LRP1B: variants seen among roughly 807,000 people sequenced by gnomAD.
LRP1B encodes LDL receptor related protein 1B.
Under a neutral mutation model 556.6 loss-of-function variants are expected in LRP1B, and 217 were observed. The observed-to-expected ratio is 0.39, with a 90% CI of 0.35 to 0.44. The LOEUF (loss-of-function observed/expected upper bound fraction) is 0.44, where lower values mean the gene tolerates loss of function less well. Ranked by LOEUF, LRP1B falls within the 20% of genes least tolerant of loss-of-function variation. The pLI, the probability that LRP1B is intolerant of heterozygous loss-of-function variation, is 1.00. For missense variants in LRP1B, 5,053 were observed against 5,620.8 expected, an observed-to-expected ratio of 0.90 and a Z score of 3.23; for synonymous variants, 2,047 against 1,865.8, an observed-to-expected ratio of 1.10 and a Z score of -2.50.
chr2:140,564,181 T>A (rs1681042232), intron 43 of LRP1B, among the ~76,000 whole-genome samples: 1 of 152,198 alleles, frequency 6.6e-6, no homozygotes, highest in African/African-American at 2.4e-5. Context: ...CATTACAATA[T>A]AAACTCTCCT....
At chr2:141,143,834 TC>T (rs911638922) in intron 7 of LRP1B, among the ~76,000 whole-genome samples, 1 of 27,292 alleles carries the variant, frequency 3.7e-5, no homozygotes, top group African/African-American at 5.1e-5. Context: ...GCTTTCCTAA[TC>T]TTTTTTTTTT....
chr2:140,764,691 T>C (rs1689041197), intron 35 of LRP1B, among the ~76,000 whole-genome samples: 1 of 152,170 alleles, frequency 6.6e-6, no homozygotes, highest in African/African-American at 2.4e-5. Context: ...AGTTCCCATA[T>C]ATTCCTTCCG....
chr2:140,802,805 T>C (rs2105011878), intron 32 of LRP1B, among the ~76,000 whole-genome samples: 1 of 152,348 alleles, frequency 6.6e-6, no homozygotes, highest in Non-Finnish European at 1.5e-5. Context: ...GAGCCAATCC[T>C]ATAAATTCAA....
intron 2 of LRP1B, among the ~76,000 whole-genome samples, chr2:141,520,254 A>G (rs1684482345): frequency 6.6e-6 from 1 of 152,206 alleles, no homozygotes; most frequent in African/African-American, 2.4e-5. Flanking sequence ...TCAAAGAAAG[A>G]GAAATACTGC....
At chr2:140,636,291 A>G (rs1684068869) in intron 41 of LRP1B, among the ~76,000 whole-genome samples, 1 of 152,188 alleles carries the variant, frequency 6.6e-6, no homozygotes, top group Non-Finnish European at 1.5e-5. Flanking sequence ...TATGTATAGT[A>G]GCATGGCATG....
At chr2:141,577,117 T>C (rs72855415) in intron 2 of LRP1B, among the ~76,000 whole-genome samples, 12,061 of 152,272 alleles carry the variant, frequency 0.079, 566 homozygotes, top group South Asian at 0.13. Flanking sequence ...TTGGTGACTA[T>C]TGAAAGTTCA....
intron 3 of LRP1B, among the ~76,000 whole-genome samples, chr2:141,427,369 C>G (rs1291723889): frequency 6.6e-6 from 1 of 151,978 alleles, no homozygotes; most frequent in Non-Finnish European, 1.5e-5. Context: ...AAAGTTCAGA[C>G]TAGAAAAACA....
chr2:141,837,561 A>T (rs2105755028), intron 1 of LRP1B, among the ~76,000 whole-genome samples: 1 of 152,134 alleles, frequency 6.6e-6, no homozygotes, highest in South Asian at 2.1e-4. Context: ...TTTACATTTC[A>T]CCCATATATT....
At chr2:141,577,167 A>G (rs1235232510) in intron 2 of LRP1B, among the ~76,000 whole-genome samples, 1 of 152,238 alleles carries the variant, frequency 6.6e-6, no homozygotes, top group Non-Finnish European at 1.5e-5. Flanking sequence ...AAGTAGTAGC[A>G]TAGCCCAGAT....
intron 7 of LRP1B, among the ~76,000 whole-genome samples, chr2:141,080,380 T>C (rs1394182787): frequency 6.6e-6 from 1 of 152,200 alleles, no homozygotes; most frequent in East Asian, 1.9e-4. Context: ...TTTTTCTGCA[T>C]CCTCATAGTT....
rs1333410760 is a variant in LRP1B, at chr2:141,032,822, C to CATATATATATATATATATATATATATAT, written c.1790-12721_1790-12720insATATATATATATATATATATATATATAT. Reference sequence around the variant, plus strand: ...GTATATGTGTGTGTGTATATATATACATACATATATATATATATGCAGGCA... The same window carrying CATATATATATATATATATATATATATAT: ...GTATATGTGTGTGTGTATATATATACATATATATATATATATATATATATATATATACATATATATATATATGCAGGCA... On this transcript the variant is annotated intron_variant, in intron 11 of 90. Coordinates refer to ENST00000389484, the MANE Select transcript of LRP1B (RefSeq NM_018557.3). 1.1e-3 allele frequency among the ~76,000 whole-genome samples: 84 copies of CATATATATATATATATATATATATATAT among 75,580 alleles called. 1 individual carries two copies. Among genetic ancestry groups the CATATATATATATATATATATATATATAT allele is most frequent in the South Asian group, 3.2e-3 (6 of 1,886 alleles). The allele number at this position is 75,580 out of a possible 152,430, so 49.6% of individuals were successfully genotyped here.
chr2:140,822,903 A>G (rs1371697360), intron 31 of LRP1B, among the ~76,000 whole-genome samples: 3 of 152,216 alleles, frequency 2.0e-5, no homozygotes. Flanking sequence ...CAGTTTCTGA[A>G]TCTATAAAGG....
chr2:141,890,373 A>ATACATATATATGTATT (rs777143469), intron 1 of LRP1B, among the ~76,000 whole-genome samples: 1 of 59,222 alleles, frequency 1.7e-5, no homozygotes, highest in African/African-American at 3.9e-5. Flanking sequence ...ATATATATAT[A>ATACATATATATGTATT]GTGTGTATAC....
chr2:141,151,517 T>A (rs1701924570), intron 7 of LRP1B, among the ~76,000 whole-genome samples: 1 of 152,308 alleles, frequency 6.6e-6, no homozygotes, highest in African/African-American at 2.4e-5. Context: ...AAATGTCTTG[T>A]TCATAGATTA....
chr2:141,886,835 A>G (rs1699129592), intron 1 of LRP1B, among the ~76,000 whole-genome samples: 1 of 152,076 alleles, frequency 6.6e-6, no homozygotes, highest in Non-Finnish European at 1.5e-5. Flanking sequence ...GATAGTGCTA[A>G]TATTGGTAGA....
At chr2:142,044,164 T>A (rs1449197099) in intron 1 of LRP1B, among the ~76,000 whole-genome samples, 1 of 151,738 alleles carries the variant, frequency 6.6e-6, no homozygotes, top group East Asian at 1.9e-4. Flanking sequence ...GACAAATGAG[T>A]AATCCTTTTT....
At position 141,309,837 on chromosome 2, in the gene LRP1B, CT is replaced by C. The variant is rs531238859; in HGVS notation, c.344-55197del. On this transcript the variant is annotated intron_variant, in intron 3 of 90. Transcript: ENST00000389484. ...TGCACATGGATCCCACCCCACCCCA[CT>C]TTTTTTTATAAGAAATTCAAAAAAG... Among the ~76,000 whole-genome samples, 21 of 151,774 alleles carry C rather than the reference CT, an allele frequency of 1.4e-4. 1 individual carries two copies. The South Asian group carries it at 3.8e-3, about 27-fold the overall frequency.
At chr2:140,748,150 G>A (rs1688390374) in intron 35 of LRP1B, among the ~76,000 whole-genome samples, 6 of 126,432 alleles carry the variant, frequency 4.7e-5, no homozygotes, top group South Asian at 4.8e-4. Flanking sequence ...TCATATATAT[G>A]TGTGTATATA....
intron 66 of LRP1B, among the ~76,000 whole-genome samples, chr2:140,438,055 G>A (rs891966894): frequency 6.6e-6 from 1 of 152,130 alleles, no homozygotes; most frequent in African/African-American, 2.4e-5. Context: ...GTCTGTGTCT[G>A]TCACCTAGGC....
Sources: gnomAD v4.1 joint callset for allele counts (sites outside exome capture counted in the v4.1 genomes callset) on GRCh38, gnomAD v4.1.1 for gene constraint, MANE v1.5 for transcripts, NCBI Gene and HGNC (gene_info 2026-07-23, HGNC 2026-07-21) for gene names.